The following ADAM10 variants were observed in gnomAD, a reference collection of about 807,000 sequenced individuals.
ADAM10 encodes the protein disintegrin and metalloproteinase domain-containing protein 10.
In ADAM10, 17 loss-of-function variants were observed where a neutral mutation model predicts 90.1. The observed-to-expected ratio is 0.19, with a 90% CI of 0.13 to 0.28. The LOEUF (loss-of-function observed/expected upper bound fraction) is 0.28, where lower values mean the gene tolerates loss of function less well. Among genes scored for constraint, ADAM10 ranks in the 10% least tolerant of loss-of-function variants. The pLI is 1.00. For synonymous variants in ADAM10, 310 were observed against 298.6 expected, an observed-to-expected ratio of 1.04 and a Z score of -0.40; for missense variants, 610 against 914.3, an observed-to-expected ratio of 0.67 and a Z score of 4.29.
chr15:58,740,650 C>T (rs1899582421), intron 1 of ADAM10, among the ~76,000 whole-genome samples: 1 of 152,242 alleles, frequency 6.6e-6, no homozygotes, highest in East Asian at 1.9e-4. Flanking sequence ...ACTAATCCTC[C>T]GAGCTTAGCT....
At chr15:58,682,647 A>G (rs1268380469) in intron 2 of ADAM10, among the ~76,000 whole-genome samples, 1 of 152,158 alleles carries the variant, frequency 6.6e-6, no homozygotes, top group African/African-American at 2.4e-5. Flanking sequence ...CCCAATTACT[A>G]TTATCTACCA....
intron 15 of ADAM10, among the ~76,000 whole-genome samples, chr15:58,599,066 A>AT (rs1236151266): frequency 6.6e-6 from 1 of 151,810 alleles, no homozygotes; most frequent in African/African-American, 2.4e-5. Context: ...GCACGCGCCT[A>AT]TAGTCCCAGC....
At chr15:58,733,477 T>G (rs1480789729) in intron 1 of ADAM10, among the ~76,000 whole-genome samples, 1 of 152,224 alleles carries the variant, frequency 6.6e-6, no homozygotes, top group African/African-American at 2.4e-5. Flanking sequence ...ATCCTGGAAC[T>G]GCCTGCCTCA....
In ADAM10 at chr15:58,597,589, C is replaced by G. The variant is rs1381973160; in HGVS notation, c.2205G>C (p.Gln735His). Residue 735 changes from glutamine (Q) to histidine (H), a missense_variant, in exon 16 of 16, where the codon CAG becomes CAC. This residue lies in a region of ADAM10 where 150 missense variants were observed against 268.5 expected (regional missense o/e 0.56). Coordinates refer to ENST00000260408, the MANE Select transcript of ADAM10 (RefSeq NM_001110.4). ...CCATTTGATAACTCTCTCGGGGCCG[C>G]TGACGCTGGGGTTGCTGAATGGGCT... is the stretch of plus-strand genomic sequence containing the variant. ...PPQPIQQPQR[Q>H]RPRESYQMGH... is the part of the protein sequence containing the mutation. The G allele has an allele frequency of 6.2e-7, 1 of 1,614,026 alleles. No individual in the cohort carries two copies. Among genetic ancestry groups the G allele is most frequent in the Non-Finnish European group, 8.5e-7 (1 of 1,180,010 alleles).
chr15:58,682,889 T>A (rs1405102564), intron 2 of ADAM10, among the ~76,000 whole-genome samples: 4 of 152,118 alleles, frequency 2.6e-5, no homozygotes, highest in Admixed American at 2.6e-4. Context: ...GGATAATGGC[T>A]GAAATCAGAG....
chr15:58,733,938 A>G (rs1899346087), intron 1 of ADAM10, among the ~76,000 whole-genome samples: 1 of 150,682 alleles, frequency 6.6e-6, no homozygotes, highest in Non-Finnish European at 1.5e-5. Flanking sequence ...ATATTACACT[A>G]AGGCTGTTGC....
At chr15:58,641,583 C>T (rs1220011258) in intron 7 of ADAM10, among the ~76,000 whole-genome samples, 1 of 152,134 alleles carries the variant, frequency 6.6e-6, no homozygotes, top group Non-Finnish European at 1.5e-5. Context: ...CTGAGTTCTT[C>T]CAGAATGTTT....
At chr15:58,614,377 T>C (rs970728714) in intron 11 of ADAM10, among the ~76,000 whole-genome samples, 2 of 152,110 alleles carry the variant, frequency 1.3e-5, no homozygotes, top group African/African-American at 4.8e-5. Context: ...TGAGGATTTA[T>C]AGTCAAATTG....
intron 2 of ADAM10, among the ~76,000 whole-genome samples, chr15:58,693,690 T>A (rs1897892159): frequency 1.4e-5 from 2 of 138,540 alleles, no homozygotes; most frequent in Admixed American, 7.3e-5. Context: ...AAAGCAAAAA[T>A]CATAAAAGAA....
chr15:58,621,539 A>G lies in ADAM10; in HGVS notation c.1443T>C (p.Asp481=). 1 of 1,614,128 alleles carries G rather than the reference A, an allele frequency of 6.2e-7. No homozygotes were observed. The highest frequency in any genetic ancestry group is 1.3e-5 in the African/African-American group (1 of 75,048). Residue 481 remains aspartate (D), a synonymous_variant, in exon 11 of 16, where the codon GAT becomes GAC. Transcript: ENST00000260408. ...CDCGYSDQCK[D]ECCFDANQPE... ...GTTGATTTGCATCGAAGCAGCATTC[A>G]TCTTTACACTGGTCACTATAGCCAC...
intron 7 of ADAM10, 137 bp downstream of exon 7, chr15:58,643,749 A>C: frequency 1.4e-6 from 1 of 710,758 alleles, no homozygotes; most frequent in Non-Finnish European, 2.4e-6. Context: ...GGAGTAAAAA[A>C]CTGCATCAAC....
intron 14 of ADAM10, among the ~76,000 whole-genome samples, chr15:58,603,876 TAAAAAAAAA>T (rs34718794): frequency 4.2e-5 from 3 of 72,066 alleles, no homozygotes; most frequent in Non-Finnish European, 8.3e-5. Flanking sequence ...GGTCCAGGGT[TAAAAAAAAA>T]AAAAAAAAAA....
At chr15:58,697,173 A>G (rs560688936) in intron 2 of ADAM10, among the ~76,000 whole-genome samples, 2 of 152,278 alleles carry the variant, frequency 1.3e-5, no homozygotes, top group East Asian at 3.9e-4. Context: ...GTGCTAAACC[A>G]CAAACTATTG....
intron 5 of ADAM10, among the ~76,000 whole-genome samples, chr15:58,649,608 A>G (rs759724135): frequency 2.6e-5 from 4 of 152,200 alleles, no homozygotes; most frequent in Non-Finnish European, 5.9e-5. Flanking sequence ...CTGTTTCAGC[A>G]TATCCTACTG....
intron 2 of ADAM10, chr15:58,686,468 G>A (rs1277022696): frequency 3.6e-6 from 5 of 1,396,678 alleles, no homozygotes; most frequent in Non-Finnish European, 5.0e-6. Context: ...GCTCAAGTTG[G>A]AGGCTGGCGT....
intron 4 of ADAM10, chr15:58,676,144 G>C: frequency 2.7e-6 from 1 of 366,246 alleles, no homozygotes. Context: ...GAGGCTTACA[G>C]ATTTCAGAAA....
Position 58,643,990 on chromosome 15 carries a change from A to C in ADAM10, c.736-12T>G. 6.4e-7 allele frequency: 1 copy of C among 1,573,930 alleles called. No individual in the cohort carries two copies. Among genetic ancestry groups the C allele is most frequent in the Non-Finnish European group, 8.7e-7 (1 of 1,143,704 alleles). ...ACATGACTGGATATCTATGATTTAA[A>C]AAAAAGAACATTTTAGAGGCAATGT... is the stretch of plus-strand genomic sequence containing the variant. On this transcript the variant is annotated splice_polypyrimidine_tract_variant and intron_variant, in intron 6 of 15. Transcript: ENST00000260408.
chr15:58,710,121 T>C (rs1898428578), intron 2 of ADAM10, among the ~76,000 whole-genome samples: 1 of 151,898 alleles, frequency 6.6e-6, no homozygotes, highest in African/African-American at 2.4e-5. Context: ...CTACTAAAAA[T>C]ACAAAAATTT....
intron 2 of ADAM10, among the ~76,000 whole-genome samples, chr15:58,709,201 G>A (rs1466254911): frequency 3.9e-5 from 6 of 151,948 alleles, no homozygotes; most frequent in Non-Finnish European, 7.4e-5. Context: ...TTAAGAAAAC[G>A]CCACAACAAC....
Sources: gnomAD v4.1 joint callset for allele counts (sites outside exome capture counted in the v4.1 genomes callset) on GRCh38, gnomAD v4.1.1 for gene constraint, gnomAD v4.1.1 regional missense constraint, MANE v1.5 for transcripts, NCBI Gene and HGNC (gene_info 2026-07-23, HGNC 2026-07-21) for gene names.